ZDHHC7: variants seen among roughly 807,000 people sequenced by gnomAD.
ZDHHC7 encodes zDHHC palmitoyltransferase 7, also known as palmitoyltransferase ZDHHC7.
In ZDHHC7, 12 loss-of-function variants were observed where a neutral mutation model predicts 34.1. The ratio of observed to expected loss-of-function variants is 0.35; its 90% confidence interval spans 0.23 to 0.57. The LOEUF (loss-of-function observed/expected upper bound fraction) is 0.57, where lower values mean the gene tolerates loss of function less well. ZDHHC7 is among the 20% of genes least tolerant of loss of function. The probability of loss-of-function intolerance (pLI) is 0.84; values close to 1 mark genes in which losing one functional copy is unlikely to be tolerated. For synonymous variants in ZDHHC7, 185 were observed against 155.4 expected, an observed-to-expected ratio of 1.19 and a Z score of -1.42; for missense variants, 388 against 402.7, an observed-to-expected ratio of 0.96 and a Z score of 0.31.
At chr16:84,989,058 C>T (rs1597543712) in intron 3 of ZDHHC7, among the ~76,000 whole-genome samples, 1 of 152,210 alleles carries the variant, frequency 6.6e-6, no homozygotes, top group Non-Finnish European at 1.5e-5. Flanking sequence ...GGAGACCTGC[C>T]GCGTAAAAGG....
chr16:84,991,082 T>G (rs922594930), intron 2 of ZDHHC7, among the ~76,000 whole-genome samples: 2 of 152,222 alleles, frequency 1.3e-5, no homozygotes, highest in African/African-American at 4.8e-5. Context: ...GCAAGCAGCA[T>G]GATGAAAGAA....
upstream of ZDHHC7, chr16:85,011,563 C>G (rs2072793683): frequency 6.6e-6 from 1 of 152,276 alleles, no homozygotes; most frequent in Admixed American, 6.5e-5. Context: ...TGACGTCACG[C>G]CGGCGCAGTT....
chr16:85,016,948 C>T, the ZDHHC7 span, among the ~76,000 whole-genome samples: 25 of 150,586 alleles, frequency 1.7e-4, no homozygotes, highest in South Asian at 4.2e-4. Context: ...TTTTCTTTTG[C>T]TTTTTTTTTG....
chr16:84,979,058 A>G (rs1402355584), intron 5 of ZDHHC7, 131 bp downstream of exon 5: 6 of 849,230 alleles, frequency 7.1e-6, no homozygotes, highest in Non-Finnish European at 1.1e-5. Context: ...GCACAGTATT[A>G]TAATTTGAAT....
chr16:85,001,906 C>G (rs755420118), intron 1 of ZDHHC7, among the ~76,000 whole-genome samples: 2 of 129,694 alleles, frequency 1.5e-5, no homozygotes, highest in East Asian at 2.3e-4. Context: ...ATAAAAGGAA[C>G]CAGGACTGAG....
At chr16:84,992,038 T>C (rs766507625) in intron 2 of ZDHHC7, among the ~76,000 whole-genome samples, 7 of 150,984 alleles carry the variant, frequency 4.6e-5, no homozygotes, top group Admixed American at 2.6e-4. Context: ...CAGCCGGGCA[T>C]GGTGGCGTGC....
At chr16:84,997,324 A>G (rs890133707) in intron 1 of ZDHHC7, among the ~76,000 whole-genome samples, 43 of 132,252 alleles carry the variant, frequency 3.3e-4, no homozygotes, top group African/African-American at 1.1e-3. Flanking sequence ...GCTGGAGTGC[A>G]GTGGCGCAGT....
At chr16:84,993,473 C>T (rs1199178614) in intron 2 of ZDHHC7, among the ~76,000 whole-genome samples, 2 of 147,812 alleles carry the variant, frequency 1.4e-5, no homozygotes, top group Non-Finnish European at 3.0e-5. Flanking sequence ...CTCTACAAAA[C>T]AAAATTGTTT....
At chr16:84,986,828 C>A (rs891583062) in intron 3 of ZDHHC7, among the ~76,000 whole-genome samples, 1 of 152,214 alleles carries the variant, frequency 6.6e-6, no homozygotes, top group East Asian at 1.9e-4. Flanking sequence ...AACCCCTCAA[C>A]TGTTCAGTTC....
intron 1 of ZDHHC7, among the ~76,000 whole-genome samples, chr16:85,003,952 C>G (rs182939625): frequency 1.3e-5 from 2 of 152,100 alleles, no homozygotes; most frequent in Non-Finnish European, 2.9e-5. Flanking sequence ...AGCACCCGGG[C>G]TTAGTCCTCG....
At chr16:84,981,780 C>T (rs533914833) in intron 4 of ZDHHC7, 90 bp downstream of exon 4, 9 of 1,602,052 alleles carry the variant, frequency 5.6e-6, no homozygotes, top group Non-Finnish European at 7.7e-6. Flanking sequence ...GGCCATGTAC[C>T]TACGGTGGTG....
At position 84,993,480 on chromosome 16, in the gene ZDHHC7, G is replaced by GT. The variant is rs1369873473; in HGVS notation, c.-18+2441dup. On this transcript the variant is annotated intron_variant, in intron 2 of 7. Coordinates refer to ENST00000313732, the MANE Select transcript of ZDHHC7 (RefSeq NM_017740.3). The stretch of plus-strand genomic sequence containing the variant: ...GACCCAATCTCTACAAAACAAAATT[G>GT]TTTTTTTTTTTTATAGTCAGGCATG... Among the ~76,000 whole-genome samples the GT allele has an allele frequency of 2.1e-3, 234 of 109,392 alleles. 1 individual carries two copies. The highest frequency in any genetic ancestry group is 9.3e-3 in the South Asian group (24 of 2,590). 71.8% of individuals were successfully genotyped at this position (109,392 alleles called of 152,430 possible). A position where few individuals can be genotyped will look rare whatever the true frequency, so the allele number is the denominator to read the frequency against.
At chr16:85,009,482 T>A (rs937899419) in intron 1 of ZDHHC7, among the ~76,000 whole-genome samples, 1 of 150,966 alleles carries the variant, frequency 6.6e-6, no homozygotes, top group Non-Finnish European at 1.5e-5. Context: ...AGGCAGGCTC[T>A]GAGCCAATGG....
chr16:84,981,338 A>T (rs1352839084), intron 4 of ZDHHC7, among the ~76,000 whole-genome samples: 1 of 152,202 alleles, frequency 6.6e-6, no homozygotes, highest in East Asian at 1.9e-4. Context: ...CCAAATAAAT[A>T]CAAAAAAACA....
At chr16:85,016,621 A>AT in the ZDHHC7 span, among the ~76,000 whole-genome samples, 9,696 of 141,654 alleles carry the variant, frequency 0.068, 355 homozygotes, top group African/African-American at 0.086. Flanking sequence ...CACCTGGTTA[A>AT]TTTTTTTTTT....
At chr16:84,977,287 G>A (rs1006938800) in intron 6 of ZDHHC7, 62 bp from the exon 7 acceptor site, 2 of 1,592,608 alleles carry the variant, frequency 1.3e-6, no homozygotes, top group Non-Finnish European at 8.6e-7. Flanking sequence ...AGAATGTTTG[G>A]CTCAGAGAAG....
intron 3 of ZDHHC7, chr16:84,988,854 C>T (rs763468823): frequency 5.8e-6 from 9 of 1,551,554 alleles, no homozygotes; most frequent in African/African-American, 2.7e-5. Context: ...GGCAGATGGT[C>T]GGCAGTCACT....
Position 84,994,633 on chromosome 16 carries a change from C to G in ZDHHC7, c.-18+1289G>C, listed in dbSNP as rs947460772. Among the ~76,000 whole-genome samples the G allele has an allele frequency of 4.6e-5, 7 of 152,168 alleles. No individual in the cohort carries two copies. The East Asian group carries it at 1.3e-3, about 29-fold the overall frequency. On this transcript the variant is annotated intron_variant, in intron 2 of 7. Coordinates refer to ENST00000313732, the MANE Select transcript of ZDHHC7 (RefSeq NM_017740.3). ...CGGAGTGCAGGATGCTGCTGTGGCT[C>G]CATGCCTGACCTGGGGGTGCGGATG... is the stretch of plus-strand genomic sequence containing the variant.
At chr16:84,997,128 G>C (rs978349498) in intron 1 of ZDHHC7, among the ~76,000 whole-genome samples, 24 of 152,056 alleles carry the variant, frequency 1.6e-4, no homozygotes, top group Admixed American at 4.6e-4. Flanking sequence ...AGAAGAAAAT[G>C]TCAACAAGGC....
Sources: gnomAD v4.1 joint callset for allele counts (sites outside exome capture counted in the v4.1 genomes callset) on GRCh38, gnomAD v4.1.1 for gene constraint, MANE v1.5 for transcripts, NCBI Gene and HGNC (gene_info 2026-07-23, HGNC 2026-07-21) for gene names.